The following UEVLD variants were observed in gnomAD, a reference collection of about 807,000 sequenced individuals.
UEVLD encodes the protein UEV and lactate/malate dehyrogenase domains.
A neutral mutation model predicts 58.6 loss-of-function variants in UEVLD; 47 were observed. The observed-to-expected ratio is 0.80, with a 90% CI of 0.63 to 1.02. The LOEUF is 1.02. Among genes scored for constraint, UEVLD ranks in the 50% least tolerant of loss-of-function variants. UEVLD has a pLI of 0.00. For synonymous variants in UEVLD, 197 were observed against 195.3 expected, an observed-to-expected ratio of 1.01 and a Z score of -0.07; for missense variants, 510 against 550.6, an observed-to-expected ratio of 0.93 and a Z score of 0.74.
At chr11:18,544,955 CTA>C (rs1335868013) in intron 8 of UEVLD, among the ~76,000 whole-genome samples, 159 bp from the exon 9 acceptor site, 1 of 147,550 alleles carries the variant, frequency 6.8e-6, no homozygotes, top group East Asian at 2.0e-4. Flanking sequence ...CATATATATA[CTA>C]TATATATACA....
At chr11:18,550,570 C>T (rs180680290) in intron 7 of UEVLD, among the ~76,000 whole-genome samples, 27 of 152,318 alleles carry the variant, frequency 1.8e-4, no homozygotes, top group Admixed American at 1.8e-3. Flanking sequence ...GTCCAAATCT[C>T]TCCAATCCCA....
chr11:18,561,518 A>ACC (rs1031013219), intron 6 of UEVLD, among the ~76,000 whole-genome samples: 2 of 150,738 alleles, frequency 1.3e-5, no homozygotes, highest in Non-Finnish European at 2.9e-5. Context: ...AATCGCTTGA[A>ACC]CCCGGGAGGC....
chr11:18,551,405 C>CACTTTATTTATCCATTTTTT (rs1565118530), intron 7 of UEVLD, among the ~76,000 whole-genome samples: 7 of 112,470 alleles, frequency 6.2e-5, no homozygotes, highest in South Asian at 3.8e-4. Flanking sequence ...CCTGGGCAAC[C>CACTTTATTTATCCATTTTTT]GAGTAAGACT....
At chr11:18,585,049 T>G (rs1853468563) in intron 1 of UEVLD, among the ~76,000 whole-genome samples, 1 of 152,184 alleles carries the variant, frequency 6.6e-6, no homozygotes, top group South Asian at 2.1e-4. Context: ...CTCTTCACTT[T>G]CTTTAATTTT....
In UEVLD at chr11:18,573,029, T is replaced by C. The variant is rs561745404; in HGVS notation, c.193+2318A>G. ...GGAAATAATTAGTGTGCATTCACAC[T>C]GAGTTGATATAATTCCAAAGCAAAG... On this transcript the variant is annotated intron_variant, in intron 3 of 11. Transcript: ENST00000396197. Among the ~76,000 whole-genome samples, 4 of 152,268 alleles carry C rather than the reference T, an allele frequency of 2.6e-5. No individual in the cohort carries two copies. In the South Asian group the frequency reaches 6.2e-4, roughly 24 times the overall value.
intron 9 of UEVLD, among the ~76,000 whole-genome samples, chr11:18,540,070 G>A (rs368714520): frequency 6.0e-4 from 92 of 152,196 alleles, no homozygotes; most frequent in Admixed American, 1.0e-3. Context: ...TTTGCTGAGC[G>A]TTTGCTGTGT....
intron 9 of UEVLD, among the ~76,000 whole-genome samples, chr11:18,540,912 T>C (rs976008633): frequency 6.6e-6 from 1 of 152,226 alleles, no homozygotes; most frequent in African/African-American, 2.4e-5. Context: ...ACAGTGTTTA[T>C]TGAGCAAAGC....
chr11:18,560,481 T>C (rs1851983025), intron 6 of UEVLD, among the ~76,000 whole-genome samples: 1 of 152,172 alleles, frequency 6.6e-6, no homozygotes, highest in Non-Finnish European at 1.5e-5. Context: ...CTATCAAAAA[T>C]TTAAAACATT....
chr11:18,572,678 C>A (rs1202811349), intron 3 of UEVLD, among the ~76,000 whole-genome samples: 1 of 151,956 alleles, frequency 6.6e-6, no homozygotes. Flanking sequence ...GTGGTGCACA[C>A]CAGTAATCCC....
chr11:18,584,139 A>T (rs906175831), intron 1 of UEVLD, among the ~76,000 whole-genome samples: 1 of 152,170 alleles, frequency 6.6e-6, no homozygotes, highest in Non-Finnish European at 1.5e-5. Context: ...AGACTTTTGG[A>T]CAGTCAAGGA....
intron 7 of UEVLD, 62 bp from the exon 8 acceptor site, chr11:18,547,112 C>T (rs1189730560): frequency 6.6e-6 from 10 of 1,521,766 alleles, no homozygotes; most frequent in African/African-American, 5.6e-5. Flanking sequence ...TTCTAGTTCA[C>T]GATTAAAAGG....
At chr11:18,549,790 T>A (rs1851449591) in intron 7 of UEVLD, among the ~76,000 whole-genome samples, 1 of 152,028 alleles carries the variant, frequency 6.6e-6, no homozygotes, top group African/African-American at 2.4e-5. Flanking sequence ...TCTCGGGCCT[T>A]TTAATCAATT....
intron 7 of UEVLD, among the ~76,000 whole-genome samples, chr11:18,552,238 T>C (rs1851558498): frequency 6.6e-6 from 1 of 152,156 alleles, no homozygotes; most frequent in Admixed American, 6.5e-5. Context: ...GTGCTAAAAT[T>C]ATAGCTATTA....
intron 4 of UEVLD, among the ~76,000 whole-genome samples, chr11:18,569,039 C>A (rs532407995): frequency 6.6e-6 from 1 of 152,010 alleles, no homozygotes; most frequent in Non-Finnish European, 1.5e-5. Flanking sequence ...GGACTACAGG[C>A]GCCCACCACC....
chr11:18,582,799 T>G (rs1417356786), intron 1 of UEVLD, among the ~76,000 whole-genome samples: 2 of 152,214 alleles, frequency 1.3e-5, no homozygotes, highest in Non-Finnish European at 2.9e-5. Context: ...AAGAAGAAAG[T>G]GGTCCAAGAC....
intron 2 of UEVLD, among the ~76,000 whole-genome samples, chr11:18,576,635 G>C (rs967325831): frequency 1.3e-5 from 2 of 152,148 alleles, no homozygotes; most frequent in African/African-American, 4.8e-5. Flanking sequence ...CTGCTCCTAA[G>C]ATCAGTGCTT....
At chr11:18,563,641 G>C (rs775028584) in intron 6 of UEVLD, 8 of 968,836 alleles carry the variant, frequency 8.3e-6, no homozygotes, top group Non-Finnish European at 9.8e-6. Context: ...GAGAAAACAA[G>C]CAACTTGAAA....
In UEVLD at chr11:18,565,030, A is replaced by T. The variant is rs1231596219; in HGVS notation, c.494-20T>A. 2.6e-6 allele frequency: 4 copies of T among 1,530,548 alleles called. No homozygotes were observed. The African/African-American group carries it at 4.1e-5, about 16-fold the overall frequency. 94.8% of individuals were successfully genotyped at this position (1,530,548 alleles called of 1,614,324 possible). The stretch of plus-strand genomic sequence containing the variant: ...AAACACCTAGAAAGAAAGGTGAATT[A>T]TCCTGAGAATTCAAAAATATCAAGA... On this transcript the variant is annotated intron_variant, in intron 5 of 11. Transcript: ENST00000396197.
chr11:18,557,382 G>A (rs899071073), intron 7 of UEVLD, among the ~76,000 whole-genome samples: 11 of 151,860 alleles, frequency 7.2e-5, no homozygotes, highest in Non-Finnish European at 1.0e-4. Flanking sequence ...TCGATTTCCC[G>A]ACCTCGTGAT....
Sources: gnomAD v4.1 joint callset for allele counts (sites outside exome capture counted in the v4.1 genomes callset) on GRCh38, gnomAD v4.1.1 for gene constraint, MANE v1.5 for transcripts, NCBI Gene and HGNC (gene_info 2026-07-23, HGNC 2026-07-21) for gene names.